CDHR3: variants seen among roughly 807,000 people sequenced by gnomAD.
CDHR3 encodes cadherin related family member 3.
Under a neutral mutation model 86.6 loss-of-function variants are expected in CDHR3, and 79 were observed. That is an observed-to-expected ratio of 0.91 (90% CI 0.76 to 1.10). CDHR3 has a LOEUF of 1.10. Among genes scored for constraint, CDHR3 ranks in the 50% least tolerant of loss-of-function variants. The pLI is 0.00. For synonymous variants in CDHR3, 421 were observed against 402.4 expected (o/e 1.05, Z -0.55); for missense variants, 1,081 against 1,077.6 (o/e 1.00, Z -0.04).
chr7:105,990,061 G>C (rs1448731443), intron 4 of CDHR3, among the ~76,000 whole-genome samples: 1 of 152,154 alleles, frequency 6.6e-6, no homozygotes, highest in Non-Finnish European at 1.5e-5. Context: ...GGTCACTGCT[G>C]GCTGTTTGCA....
At chr7:105,991,908 C>A (rs11764556) in intron 4 of CDHR3, among the ~76,000 whole-genome samples, 17,690 of 152,086 alleles carry the variant, frequency 0.12, 1,175 homozygotes, top group African/African-American at 0.16. Context: ...TGGGGCATGC[C>A]CTAGTATTAT....
intron 4 of CDHR3, among the ~76,000 whole-genome samples, chr7:105,987,306 A>G (rs906337220): frequency 2.6e-5 from 4 of 152,256 alleles, no homozygotes; most frequent in Non-Finnish European, 5.9e-5. Flanking sequence ...GAGTTGCAGC[A>G]GAAATTGTTA....
chr7:106,015,995 T>A lies in CDHR3; in HGVS notation c.1396T>A (p.Tyr466Asn). 3.1e-6 allele frequency: 5 copies of A among 1,612,464 alleles called. No individual in the cohort carries two copies. The African/African-American group carries it at 4.0e-5, about 13-fold the overall frequency. ...EFPLIFDRPS[Y>N]VFDVSERRPA... is the part of the protein sequence containing the mutation. ...TCCTCTCATTTTTGATAGGCCATCC[T>A]ATGTATTTGATGTGTCAGAAAGAAG... The change falls in exon 11 of 19, where the codon TAT becomes AAT. Residue 466 changes from tyrosine (Y) to asparagine (N), a missense_variant. By Grantham distance (143) the Tyr-to-Asn change is moderately radical. Transcript: ENST00000317716.
At chr7:106,022,589 CT>C (rs1836743509) in intron 14 of CDHR3, 141 bp downstream of exon 14, 1 of 1,265,336 alleles carries the variant, frequency 7.9e-7, no homozygotes, top group Non-Finnish European at 1.1e-6. Context: ...CAACCATGGG[CT>C]GGACTGGAGT....
At chr7:105,988,273 A>G (rs1830820293) in intron 4 of CDHR3, among the ~76,000 whole-genome samples, 1 of 152,196 alleles carries the variant, frequency 6.6e-6, no homozygotes, top group South Asian at 2.1e-4. Context: ...AAAAATGCAG[A>G]TTCCTGGACA....
intron 6 of CDHR3, among the ~76,000 whole-genome samples, chr7:106,000,665 A>G (rs1010158778): frequency 2.0e-5 from 3 of 152,222 alleles, no homozygotes; most frequent in African/African-American, 4.8e-5. Flanking sequence ...TACTCAATGT[A>G]TAGTTAGTTA....
chr7:106,024,964 C>T (rs1402110720), intron 15 of CDHR3, among the ~76,000 whole-genome samples: 1 of 152,120 alleles, frequency 6.6e-6, no homozygotes, highest in East Asian at 1.9e-4. Context: ...CACACAAAAC[C>T]AATAAGGGAA....
chr7:105,994,947 C>A (rs567351433), intron 5 of CDHR3, 102 bp downstream of exon 5: 5 of 891,098 alleles, frequency 5.6e-6, no homozygotes, highest in Non-Finnish European at 9.1e-6. Context: ...TGGGGGGAGC[C>A]CCTTGAGCAG....
intron 2 of CDHR3, among the ~76,000 whole-genome samples, chr7:105,980,053 A>G (rs1448195508): frequency 6.6e-6 from 1 of 152,192 alleles, no homozygotes; most frequent in African/African-American, 2.4e-5. Flanking sequence ...CAAAATACTG[A>G]TAGTGCAGAC....
intron 6 of CDHR3, among the ~76,000 whole-genome samples, chr7:105,999,545 C>T (rs1466967208): frequency 6.6e-6 from 1 of 152,192 alleles, no homozygotes; most frequent in Non-Finnish European, 1.5e-5. Flanking sequence ...GCTGTCTCCC[C>T]TAGTTGTGAA....
chr7:106,015,019 T>C (rs967375830), intron 9 of CDHR3, 92 bp from the exon 10 acceptor site: 2 of 1,002,744 alleles, frequency 2.0e-6, no homozygotes, highest in Admixed American at 2.7e-5. Flanking sequence ...TGCCAATTTA[T>C]ATATCCACTA....
intron 6 of CDHR3, among the ~76,000 whole-genome samples, chr7:105,999,061 C>T (rs1293142746): frequency 6.6e-6 from 1 of 152,190 alleles, no homozygotes; most frequent in African/African-American, 2.4e-5. Flanking sequence ...GTGAGTGTGG[C>T]CACTGGCCCA....
In CDHR3 at chr7:106,032,416, A is replaced by C; in HGVS notation, c.2377A>C (p.Asn793His). Residue 793 changes from asparagine (N) to histidine (H), a missense_variant, in exon 19 of 19, where the codon AAC becomes CAC. By Grantham distance (68) the Asn-to-His change is moderately conservative. Coordinates refer to ENST00000317716, the MANE Select transcript of CDHR3 (RefSeq NM_152750.5). Reference sequence around the variant, plus strand: ...AGTGACCGGGGAAACATATGAATTCAACTCAAAAACTGGAGCCAGAAAGTG... The same window carrying C: ...AGTGACCGGGGAAACATATGAATTCCACTCAAAAACTGGAGCCAGAAAGTG... ...DPVTGETYEF[N>H]SKTGARKWKD... 6.2e-7 allele frequency: 1 copy of C among 1,610,720 alleles called. No homozygotes were observed. The highest frequency in any genetic ancestry group is 8.5e-7 in the Non-Finnish European group (1 of 1,177,550).
chr7:105,993,735 G>C (rs1297549861), intron 4 of CDHR3, among the ~76,000 whole-genome samples: 1 of 146,198 alleles, frequency 6.8e-6, no homozygotes, highest in African/African-American at 2.5e-5. Context: ...CTTGAACCAA[G>C]CTCTTCTGAT....
At chr7:105,983,794 C>T (rs1405511676) in intron 3 of CDHR3, among the ~76,000 whole-genome samples, 1 of 152,178 alleles carries the variant, frequency 6.6e-6, no homozygotes, top group African/African-American at 2.4e-5. Context: ...CAAGGGGTAA[C>T]AGCACAGTTG....
Position 106,015,147 on chromosome 7 carries a change from C to G in CDHR3, c.1261C>G (p.Leu421Val), listed in dbSNP as rs1176629899. The change falls in exon 10 of 19, where the codon CTA becomes GTA. Residue 421 changes from leucine to valine, a missense_variant. Transcript: ENST00000317716. ...GDLDYENPSN[L>V]AAGNKYTVII... Reference sequence around the variant, plus strand: ...TCTAGACTACGAAAATCCAAGTAACCTAGCAGCCGGCAATAAATATACGGT... The same window carrying G: ...TCTAGACTACGAAAATCCAAGTAACGTAGCAGCCGGCAATAAATATACGGT... 6.2e-7 allele frequency: 1 copy of G among 1,610,978 alleles called. No homozygotes were observed. Among genetic ancestry groups the G allele is most frequent in the Non-Finnish European group, 8.5e-7 (1 of 1,178,706 alleles).
rs778369911 is a variant in CDHR3, at chr7:106,015,210, A to G, written c.1324A>G (p.Lys442Glu). 2.3e-5 allele frequency: 37 copies of G among 1,604,086 alleles called. No individual in the cohort carries two copies. The highest frequency in any genetic ancestry group is 3.1e-5 in the Non-Finnish European group (36 of 1,174,942). The change falls in exon 10 of 19, where the codon AAA becomes GAA. Residue 442 changes from lysine to glutamate, a missense_variant. Physicochemically the swap from Lys to Glu is moderately conservative, Grantham distance 56 (BLOSUM62 1). Transcript: ENST00000317716. ...GCAGGATGTGGCCCCCCCTTACTAT[A>G]AAAGCAAGTATCATTTTGTTTTATT... is the stretch of plus-strand genomic sequence containing the variant. ...QVQDVAPPYY[K>E]NNVYVYILTS...
chr7:105,993,866 T>A (rs1197367933), intron 4 of CDHR3, among the ~76,000 whole-genome samples: 1 of 152,056 alleles, frequency 6.6e-6, no homozygotes, highest in Non-Finnish European at 1.5e-5. Flanking sequence ...GCTGTACACA[T>A]AAACCTGTCT....
chr7:105,981,707 A>G (rs536301384), intron 3 of CDHR3, among the ~76,000 whole-genome samples: 19 of 152,156 alleles, frequency 1.2e-4, no homozygotes, highest in African/African-American at 4.3e-4. Context: ...CTCACCCAGC[A>G]TCTCCACTTG....
Sources: allele counts gnomAD v4.1 joint callset (sites outside exome capture counted in the v4.1 genomes callset), GRCh38; gene constraint gnomAD v4.1.1; transcripts MANE v1.5; gene names NCBI Gene and HGNC (gene_info 2026-07-23, HGNC 2026-07-21).